The following ACACB variants were observed in gnomAD, a reference collection of about 807,000 sequenced individuals.
The protein encoded by ACACB is acetyl-CoA carboxylase beta.
A neutral mutation model predicts 278.8 loss-of-function variants in ACACB; 209 were observed. The ratio of observed to expected loss-of-function variants is 0.75; its 90% CI spans 0.67 to 0.84. The LOEUF (loss-of-function observed/expected upper bound fraction) is 0.84. ACACB is among the 40% of genes least tolerant of loss of function. The pLI, the probability that ACACB is intolerant of heterozygous loss-of-function variation, is 0.00. For synonymous variants in ACACB, 1,174 were observed against 1,285.6 expected, an observed-to-expected ratio of 0.91 and a Z score of 1.86; for missense variants, 2,850 against 3,269.0, an observed-to-expected ratio of 0.87 and a Z score of 3.13.
rs1565990614 is a variant in ACACB, at chr12:109,266,429, C to T, written c.*67C>T. Reference sequence around the variant, plus strand: ...ACCACCCAGACCCACCACCCGTACACCCTCAGCAGACCCTGAAGACTTGCT... The same window carrying T: ...ACCACCCAGACCCACCACCCGTACATCCTCAGCAGACCCTGAAGACTTGCT... On this transcript the variant is annotated 3_prime_UTR_variant, in exon 53 of 53. Transcript: ENST00000338432. 6.8e-7 allele frequency: 1 copy of T among 1,480,990 alleles called. No individual in the cohort carries two copies. The highest frequency in any genetic ancestry group is 8.9e-7 in the Non-Finnish European group (1 of 1,118,682). The allele number at this position is 1,480,990 out of a possible 1,614,324, so 91.7% of individuals were successfully genotyped here.
intron 21 of ACACB, among the ~76,000 whole-genome samples, chr12:109,210,546 TG>T (rs2045807678): frequency 6.7e-6 from 1 of 148,750 alleles, no homozygotes; most frequent in African/African-American, 2.5e-5. Context: ...TATACGTGCA[TG>T]TATATATACA....
At chr12:109,235,278 A>C in intron 31 of ACACB, 35 bp from the exon 32 acceptor site, 1 of 1,596,812 alleles carries the variant, frequency 6.3e-7, no homozygotes, top group Middle Eastern at 1.7e-4. Flanking sequence ...TTACGGCCAA[A>C]TAATATTCCA....
At chr12:109,122,782 C>G (rs1369711084) in intron 1 of ACACB, among the ~76,000 whole-genome samples, 3 of 151,820 alleles carry the variant, frequency 2.0e-5, no homozygotes, top group Non-Finnish European at 4.4e-5. Context: ...GCACAGTGGT[C>G]CCCCAATGCA....
intron 34 of ACACB, among the ~76,000 whole-genome samples, chr12:109,238,416 TA>T (rs915642718): frequency 2.2e-5 from 3 of 139,162 alleles, no homozygotes; most frequent in African/African-American, 8.0e-5. Flanking sequence ...TTATATATAA[TA>T]ATATATATAA....
rs774582095 is a variant in ACACB, at chr12:109,176,002, G to A, written c.1288G>A (p.Asp430Asn). 1.2e-5 allele frequency: 20 copies of A among 1,614,062 alleles called. No homozygotes were observed. The highest frequency in any genetic ancestry group is 1.6e-5 in the Non-Finnish European group (19 of 1,180,040). The change falls in exon 8 of 53, where the codon GAC becomes AAC. Residue 430 changes from aspartate to asparagine, a missense_variant. By Grantham distance (23) the Asp-to-Asn change is conservative (BLOSUM62 1). Transcript: ENST00000338432. ...KRISVPEDVY[D>N]KGCVKDVDEG... ...AATCAGTGTCCCAGAAGATGTTTAT[G>A]ACAAGGGTTGCGTGAAAGACGTAGA...
At chr12:109,228,658 C>CAA (rs887136316) in intron 28 of ACACB, among the ~76,000 whole-genome samples, 459 of 72,532 alleles carry the variant, frequency 6.3e-3, no homozygotes, top group African/African-American at 0.02. Context: ...AACTCTGTCT[C>CAA]AAAAAAAAAA....
At chr12:109,195,696 A>G (rs1212368295) in intron 16 of ACACB, among the ~76,000 whole-genome samples, 3 of 152,036 alleles carry the variant, frequency 2.0e-5, no homozygotes, top group Non-Finnish European at 4.4e-5. Flanking sequence ...TGATATGATC[A>G]TGGCATAAAG....
chr12:109,168,877 G>A (rs2044008391), intron 4 of ACACB, among the ~76,000 whole-genome samples: 1 of 150,482 alleles, frequency 6.6e-6, no homozygotes, highest in Non-Finnish European at 1.5e-5. Flanking sequence ...AGTGGCTCAC[G>A]CCTGTAATCC....
chr12:109,138,583 T>A (rs994491793), intron 1 of ACACB, among the ~76,000 whole-genome samples: 2 of 141,362 alleles, frequency 1.4e-5, no homozygotes, highest in African/African-American at 2.6e-5. Context: ...AAAAAAAAAA[T>A]AACAGCTTTG....
intron 2 of ACACB, among the ~76,000 whole-genome samples, chr12:109,147,132 A>G (rs549047229): frequency 5.9e-4 from 90 of 152,316 alleles, no homozygotes; most frequent in African/African-American, 2.1e-3. Context: ...CATTTAAAAA[A>G]TCTACCCCCC....
At chr12:109,265,580 T>C in intron 52 of ACACB, 55 bp downstream of exon 52, 11 of 1,592,268 alleles carry the variant, frequency 6.9e-6, no homozygotes, top group Middle Eastern at 1.9e-4. Context: ...CGAGCCTGGA[T>C]TGACCCCTAG....
chr12:109,145,609 T>C (rs1170194596), intron 2 of ACACB, among the ~76,000 whole-genome samples: 4 of 152,140 alleles, frequency 2.6e-5, no homozygotes, highest in African/African-American at 9.7e-5. Context: ...TGTAACCAGC[T>C]GGAGCACTGA....
At chr12:109,178,254 C>T (rs1412148526) in intron 9 of ACACB, among the ~76,000 whole-genome samples, 8 of 152,142 alleles carry the variant, frequency 5.3e-5, no homozygotes, top group Non-Finnish European at 1.2e-4. Flanking sequence ...AATCATTGCA[C>T]GTGAATACTT....
At chr12:109,149,595 T>C (rs2043321954) in intron 2 of ACACB, among the ~76,000 whole-genome samples, 1 of 151,986 alleles carries the variant, frequency 6.6e-6, no homozygotes. Context: ...CTTAAGGAAA[T>C]TGTTAATTTA....
At chr12:109,260,424 G>T (rs2047348434) in intron 47 of ACACB, 56 bp from the exon 48 acceptor site, 4 of 1,606,172 alleles carry the variant, frequency 2.5e-6, no homozygotes. Flanking sequence ...TAGGGCAGTG[G>T]GTTTCATGTG....
intron 4 of ACACB, among the ~76,000 whole-genome samples, chr12:109,171,327 T>G (rs2044106976): frequency 6.6e-6 from 1 of 151,916 alleles, no homozygotes; most frequent in African/African-American, 2.4e-5. Flanking sequence ...ATTAAAATCA[T>G]ATTTCATTTT....
chr12:109,151,633 T>C (rs2043377757), intron 2 of ACACB, among the ~76,000 whole-genome samples: 1 of 152,222 alleles, frequency 6.6e-6, no homozygotes, highest in African/African-American at 2.4e-5. Flanking sequence ...ACAGTCTTTC[T>C]ACCACGCTGC....
chr12:109,240,057 G>A, intron 35 of ACACB, 72 bp downstream of exon 35: 2 of 1,524,734 alleles, frequency 1.3e-6, no homozygotes, highest in South Asian at 1.3e-5. Flanking sequence ...TTGGGGTATT[G>A]TCTCTTGCCA....
In ACACB at chr12:109,133,989, G is replaced by T. The variant is rs182232819; in HGVS notation, c.-9-5408G>T. 2.5e-3 allele frequency among the ~76,000 whole-genome samples: 375 copies of T among 149,864 alleles called. 9 individuals carry two copies. The East Asian group carries it at 0.055, about 22-fold the overall frequency. ...GCTGGAGTGCATTGGTGCCATCATG[G>T]CTCACTGTAGTCTTGATGTCCCAGG... On this transcript the variant is annotated intron_variant, in intron 1 of 52. Transcript: ENST00000338432.
Sources: allele counts gnomAD v4.1 joint callset (sites outside exome capture counted in the v4.1 genomes callset), GRCh38; gene constraint gnomAD v4.1.1; transcripts MANE v1.5; gene names NCBI Gene and HGNC (gene_info 2026-07-23, HGNC 2026-07-21).